Variants in BRS3 observed in about 807,000 individuals in gnomAD.
BRS3 encodes bombesin receptor subtype 3, also known as bombesin receptor subtype-3.
In BRS3, 5 loss-of-function variants were observed where a neutral mutation model predicts 18.8. That is an observed-to-expected ratio of 0.27 (90% confidence interval 0.14 to 0.56). The LOEUF is 0.56. Ranked by LOEUF, BRS3 falls within the 20% of genes least tolerant of loss-of-function variation. The pLI is 0.93. For missense variants in BRS3, 215 were observed against 296.3 expected, an observed-to-expected ratio of 0.73 and a Z score of 2.01; for synonymous variants, 121 against 115.0, an observed-to-expected ratio of 1.05 and a Z score of -0.33.
At chrX:136,489,686 G>C (rs1222898422) in intron 1 of BRS3, among the ~76,000 whole-genome samples, 1 of 111,255 alleles carries the variant, frequency 9.0e-6, no homozygotes, top group Non-Finnish European at 1.9e-5. Flanking sequence ...TCTCTTCTAG[G>C]AAGGTTGATA....
At position 136,493,438 on chromosome X, in the gene BRS3, CT is replaced by C. The variant is rs1251331525; in HGVS notation, c.*1065del. On this transcript the variant is annotated 3_prime_UTR_variant, in exon 3 of 3. Transcript: ENST00000370648. ...AATTATTGTTTTAAAAAAAAAAACT[CT>C]TGTCAATAGACGTGTCAGATTTAGA... The C allele has an allele frequency of 9.0e-6, 1 of 110,886 alleles. No homozygotes were observed. The highest frequency in any genetic ancestry group is 1.9e-5 in the Non-Finnish European group (1 of 52,969). 9.1% of individuals were successfully genotyped at this position (110,886 alleles called of 1,213,427 possible).
chrX:136,492,060 A>C lies in BRS3; in HGVS notation c.885A>C (p.Ser295=). The C allele has an allele frequency of 8.3e-7, 1 of 1,209,674 alleles. No individual in the cohort carries two copies. The highest frequency in any genetic ancestry group is 1.1e-6 in the Non-Finnish European group (1 of 895,024). The change falls in exon 3 of 3, where the codon TCA becomes TCC. Residue 295 remains serine (S), a synonymous_variant. Coordinates refer to ENST00000370648, the MANE Select transcript of BRS3 (RefSeq NM_001727.2). ...ATCACCTCCTGTACCTCTACCATTC[A>C]TTCACTTCTCAAACCTATGTAGACC... is the stretch of plus-strand genomic sequence containing the variant. ...LPNHLLYLYH[S]FTSQTYVDPS... is the part of the protein sequence containing the mutation.
Position 136,492,021 on chromosome X carries a change from C to T in BRS3, c.846C>T (p.Leu282=). 1.7e-6 allele frequency: 2 copies of T among 1,178,402 alleles called. No individual in the cohort carries two copies. Among genetic ancestry groups the T allele is most frequent in the South Asian group, 3.6e-5 (2 of 56,113 alleles). Residue 282 remains leucine, a synonymous_variant, in exon 3 of 3, where the codon CTC becomes CTT. Coordinates refer to ENST00000370648, the MANE Select transcript of BRS3 (RefSeq NM_001727.2). ...TVLVLVALFA[L]CWLPNHLLYL... ...TGGTGTTGGTGGCTCTGTTTGCCCT[C>T]TGCTGGTTGCCAAATCACCTCCTGT...
rs1361836650 is a variant in BRS3 at position 136,491,989 on chromosome X, A to G, written c.814A>G (p.Thr272Ala). The stretch of plus-strand genomic sequence containing the variant: ...TGAATCCCGAAAGAGAATTGCCAGA[A>G]CGGTATTGGTGTTGGTGGCTCTGTT... ...QIESRKRIAR[T>A]VLVLVALFAL... Residue 272 changes from threonine to alanine, a missense_variant, in exon 3 of 3, where the codon ACG (threonine) becomes GCG (alanine). Thr to Ala is a moderately conservative substitution (Grantham distance 58). This residue lies in a region of BRS3 where 123 missense variants were observed against 207.6 expected (regional missense o/e 0.59). Transcript: ENST00000370648. 8.7e-7 allele frequency: 1 copy of G among 1,155,595 alleles called. No individual in the cohort carries two copies. The highest frequency in any genetic ancestry group is 1.2e-6 in the Non-Finnish European group (1 of 868,615).
In BRS3 at chrX:136,488,526, T is replaced by C. The variant is rs771698072; in HGVS notation, c.412T>C (p.Leu138=). ...LTSVGVSVFT[L]TILSADRYKA... ...TTCTGTTGGTGTGTCAGTGTTCACA[T>C]TAACAATTCTCAGCGCTGACAGGTG... The change falls in exon 1 of 3, where the codon TTA becomes CTA. Residue 138 remains leucine (L), a synonymous_variant. Coordinates refer to ENST00000370648, the MANE Select transcript of BRS3 (RefSeq NM_001727.2). 2.5e-6 allele frequency: 3 copies of C among 1,203,458 alleles called. No homozygotes were observed. The highest frequency in any genetic ancestry group is 2.2e-5 in the Admixed American group (1 of 45,213).
chrX:136,488,575 G>T (rs769626074), intron 1 of BRS3, 27 bp downstream of exon 1: 1 of 1,165,394 alleles, frequency 8.6e-7, no homozygotes, highest in Non-Finnish European at 1.1e-6. Flanking sequence ...CATTATATTT[G>T]CCAGGATGTG....
In BRS3 at chrX:136,490,118, A is replaced by G; in HGVS notation, c.435-15A>G. On this transcript the variant is annotated splice_polypyrimidine_tract_variant and intron_variant, in intron 1 of 2. Coordinates refer to ENST00000370648, the MANE Select transcript of BRS3 (RefSeq NM_001727.2). ...ACATTTATTTGGACCTTTGCCTCTG[A>G]TTATGTGTTTCTAGATACAAGGCAG... The G allele has an allele frequency of 8.6e-7, 1 of 1,167,415 alleles. No individual in the cohort carries two copies. Among genetic ancestry groups the G allele is most frequent in the Non-Finnish European group, 1.1e-6 (1 of 869,937 alleles).
chrX:136,490,789 A>G (rs1186186000), intron 2 of BRS3, among the ~76,000 whole-genome samples: 2 of 112,264 alleles, frequency 1.8e-5, no homozygotes, highest in Non-Finnish European at 3.8e-5. Flanking sequence ...TAAGACTACT[A>G]CTATTAGAGA....
rs986476688 is a variant in BRS3, at chrX:136,492,912, C to T, written c.*537C>T. ...GTATTCCATTGTAGCTGAATCTGTG[C>T]AGTTGAAATGAAAATGTTTTGGAGT... is the stretch of plus-strand genomic sequence containing the variant. On this transcript the variant is annotated 3_prime_UTR_variant, in exon 3 of 3. Transcript: ENST00000370648. 2 of 112,659 alleles carry T rather than the reference C, an allele frequency of 1.8e-5. No homozygotes were observed. The highest frequency in any genetic ancestry group is 6.5e-5 in the African/African-American group (2 of 30,896). The allele number at this position is 112,659 out of a possible 1,213,427, so 9.3% of individuals were successfully genotyped here. A position where few individuals can be genotyped will look rare whatever the true frequency, so the allele number is the denominator to read the frequency against.
chrX:136,490,040 T>C, intron 1 of BRS3, 93 bp from the exon 2 acceptor site: 1 of 698,844 alleles, frequency 1.4e-6, no homozygotes, highest in South Asian at 2.8e-5. Context: ...GCACGGAGGG[T>C]AGAACTGGAT....
At chrX:136,488,968 T>G (rs1420954055) in intron 1 of BRS3, among the ~76,000 whole-genome samples, 2 of 111,893 alleles carry the variant, frequency 1.8e-5, no homozygotes, top group Non-Finnish European at 3.8e-5. Context: ...TATAACTGTA[T>G]ATTGGAAGAG....
At chrX:136,489,713 G>A (rs1427528915) in intron 1 of BRS3, among the ~76,000 whole-genome samples, 1 of 111,302 alleles carries the variant, frequency 9.0e-6, no homozygotes, top group Non-Finnish European at 1.9e-5. Flanking sequence ...CACTCATGAA[G>A]AAAGGAAAAT....
chrX:136,492,392 G>T lies in BRS3; in HGVS notation c.*17G>T, dbSNP rs377248590. On this transcript the variant is annotated 3_prime_UTR_variant, in exon 3 of 3. Coordinates refer to ENST00000370648, the MANE Select transcript of BRS3 (RefSeq NM_001727.2). ...AGATTCTAGCTTTTCAAGGAAAAATGCTGCTTCTCCTCCCAGCGTGTGTAT... is the reference window on the plus strand; with the variant it reads ...AGATTCTAGCTTTTCAAGGAAAAATTCTGCTTCTCCTCCCAGCGTGTGTAT... 1 of 1,189,983 alleles carries T rather than the reference G, an allele frequency of 8.4e-7. No individual in the cohort carries two copies. Among genetic ancestry groups the T allele is most frequent in the Non-Finnish European group, 1.1e-6 (1 of 884,765 alleles).
intron 2 of BRS3, 60 bp from the exon 3 acceptor site, chrX:136,491,902 T>G: frequency 8.0e-6 from 7 of 873,378 alleles, no homozygotes; most frequent in Non-Finnish European, 1.0e-5. Context: ...TTTGTTGTTG[T>G]TGTTTTTTGT....
intron 1 of BRS3, among the ~76,000 whole-genome samples, 189 bp downstream of exon 1, chrX:136,488,737 C>G (rs1452664692): frequency 8.9e-6 from 1 of 112,334 alleles, no homozygotes; most frequent in Non-Finnish European, 1.9e-5. Flanking sequence ...TCTGTGTTAG[C>G]ACGGAGGAGA....
intron 1 of BRS3, among the ~76,000 whole-genome samples, 154 bp downstream of exon 1, chrX:136,488,702 AAGTT>A (rs1240628578): frequency 5.3e-5 from 6 of 112,630 alleles, no homozygotes; most frequent in Admixed American, 9.4e-5. Flanking sequence ...TTTAAAATAA[AAGTT>A]AGTGTAAGAA....
At position 136,492,510 on chromosome X, in the gene BRS3, A is replaced by G; in HGVS notation, c.*135A>G. ...TTAGGAGTGAAGGATCCCTATAAGT[A>G]AGTAAAATACAAACCATTACTTTCT... On this transcript the variant is annotated 3_prime_UTR_variant, in exon 3 of 3. Transcript: ENST00000370648. The G allele has an allele frequency of 1.7e-6, 1 of 600,955 alleles. No homozygotes were observed. Among genetic ancestry groups the G allele is most frequent in the Non-Finnish European group, 2.4e-6 (1 of 410,138 alleles). The allele number at this position is 600,955 out of a possible 1,213,427, so 49.5% of individuals were successfully genotyped here. A position where few individuals can be genotyped will look rare whatever the true frequency, so the allele number is the denominator to read the frequency against.
At position 136,488,437 on chromosome X, in the gene BRS3, A is replaced by G. The variant is rs1372961383; in HGVS notation, c.323A>G (p.Tyr108Cys). The G allele has an allele frequency of 8.3e-7, 1 of 1,211,799 alleles. No individual in the cohort carries two copies. The change falls in exon 1 of 3, where the codon TAC becomes TGC. Residue 108 changes from tyrosine to cysteine, a missense_variant. Tyr to Cys is a radical substitution (Grantham distance 194, BLOSUM62 -2). This residue lies in a region of BRS3 where 123 missense variants were observed against 207.6 expected (regional missense o/e 0.59). Coordinates refer to ENST00000370648, the MANE Select transcript of BRS3 (RefSeq NM_001727.2). The part of the protein sequence containing the change: ...LTCVPVDATH[Y>C]LAEGWLFGRI... ...TGTGTGCCAGTGGATGCAACTCACT[A>G]CCTTGCAGAAGGATGGCTGTTCGGA...
chrX:136,491,939 T>G (rs1569351095), intron 2 of BRS3, 23 bp from the exon 3 acceptor site: 1 of 756,443 alleles, frequency 1.3e-6, no homozygotes, highest in Non-Finnish European at 1.7e-6. Context: ...TTTTTTTTTT[T>G]GCTATGTTTC....
Sources: allele counts gnomAD v4.1 joint callset (sites outside exome capture counted in the v4.1 genomes callset), GRCh38; gene constraint gnomAD v4.1.1; regional missense constraint gnomAD v4.1.1; transcripts MANE v1.5; gene names NCBI Gene and HGNC (gene_info 2026-07-23, HGNC 2026-07-21).